Variants in ARHGAP6 observed in about 807,000 individuals in gnomAD.
ARHGAP6 encodes the protein Rho GTPase activating protein 6.
A neutral mutation model predicts 55.7 loss-of-function variants in ARHGAP6; 16 were observed. The observed-to-expected ratio is 0.29, with a 90% CI of 0.19 to 0.44. ARHGAP6 has a LOEUF of 0.44. Among genes scored for constraint, ARHGAP6 ranks in the 20% least tolerant of loss-of-function variants. ARHGAP6 has a pLI of 1.00. For synonymous variants in ARHGAP6, 382 were observed against 360.9 expected (o/e 1.06, Z -0.66); for missense variants, 698 against 808.9 (o/e 0.86, Z 1.66).
rs1207249557 is a variant in ARHGAP6, at chrX:11,354,323, CTCTCTATATATATA to C, written c.589-99630_589-99617del. Reference sequence around the variant, plus strand: ...TCTCTCTCTCTCTCTCTCTCTCTCTCTCTCTATATATATATATATATATATATATATATGTTCAT... The same window carrying C: ...TCTCTCTCTCTCTCTCTCTCTCTCTCTATATATATATATATATATGTTCAT... On this transcript the variant is annotated intron_variant, in intron 1 of 12. Coordinates refer to ENST00000337414, the MANE Select transcript of ARHGAP6 (RefSeq NM_013427.3). Among the ~76,000 whole-genome samples the C allele has an allele frequency of 2.5e-4, 14 of 57,107 alleles. No individual in the cohort carries two copies. The East Asian group carries it at 5.1e-3, about 21-fold the overall frequency. 49.6% of individuals were successfully genotyped at this position (57,107 alleles called of 115,157 possible).
chrX:11,234,960 C>G (rs2047180237), intron 2 of ARHGAP6, among the ~76,000 whole-genome samples: 1 of 112,356 alleles, frequency 8.9e-6, no homozygotes, highest in Admixed American at 9.4e-5. Context: ...AGGCTGCAGC[C>G]TGTATGATTC....
At chrX:11,390,706 T>C (rs149008771) in intron 1 of ARHGAP6, among the ~76,000 whole-genome samples, 20 of 112,306 alleles carry the variant, frequency 1.8e-4, no homozygotes, top group African/African-American at 6.5e-4. Context: ...AATACACACA[T>C]GACAAAATGC....
At chrX:11,463,914 A>C (rs1438326391) in intron 1 of ARHGAP6, among the ~76,000 whole-genome samples, 2 of 112,518 alleles carry the variant, frequency 1.8e-5, no homozygotes, top group African/African-American at 6.5e-5. Flanking sequence ...AGCCATCTTA[A>C]ACCATGAAAT....
chrX:11,278,158 A>C (rs1347099291), intron 1 of ARHGAP6, among the ~76,000 whole-genome samples: 3 of 111,405 alleles, frequency 2.7e-5, no homozygotes, highest in Admixed American at 9.6e-5. Context: ...GCAGAATAAT[A>C]TCTCTCACCC....
At chrX:11,241,323 A>G (rs1263713234) in intron 2 of ARHGAP6, among the ~76,000 whole-genome samples, 1 of 110,686 alleles carries the variant, frequency 9.0e-6, no homozygotes, top group Non-Finnish European at 1.9e-5. Flanking sequence ...TTGATTCCTT[A>G]TAATCCAACC....
chrX:11,271,248 C>T (rs1199588522), intron 1 of ARHGAP6, among the ~76,000 whole-genome samples: 1 of 111,806 alleles, frequency 8.9e-6, no homozygotes, highest in Non-Finnish European at 1.9e-5. Context: ...AGTACTGTCA[C>T]CTCAAACTGA....
intron 1 of ARHGAP6, among the ~76,000 whole-genome samples, chrX:11,663,773 A>T (rs755723030): frequency 6.2e-5 from 7 of 112,188 alleles, no homozygotes; most frequent in Non-Finnish European, 1.3e-4. Context: ...ACCCAAACAC[A>T]CACACACACT....
Position 11,175,859 on chromosome X carries a change from A to AT in ARHGAP6, c.1629+2240dup, listed in dbSNP as rs3838206. ...GAAACCATGACCTAGACCCCAGTAC[A>AT]TTTTTTTTTTCTTCTAATTCCTATT... On this transcript the variant is annotated intron_variant, in intron 8 of 12. Coordinates refer to ENST00000337414, the MANE Select transcript of ARHGAP6 (RefSeq NM_013427.3). 1.9e-3 allele frequency among the ~76,000 whole-genome samples: 200 copies of AT among 105,751 alleles called. 1 individual carries two copies. Among genetic ancestry groups the AT allele is most frequent in the Admixed American group, 2.9e-3 (29 of 9,851 alleles). The allele number at this position is 105,751 out of a possible 115,157, so 91.8% of individuals were successfully genotyped here.
chrX:11,171,770 G>A (rs957981325), intron 8 of ARHGAP6, among the ~76,000 whole-genome samples: 22 of 110,786 alleles, frequency 2.0e-4, no homozygotes, highest in African/African-American at 7.2e-4. Context: ...CTTTGCTGTG[G>A]GGGCTGTCCT....
intron 1 of ARHGAP6, among the ~76,000 whole-genome samples, chrX:11,316,610 T>C (rs2048362093): frequency 8.9e-6 from 1 of 112,207 alleles, no homozygotes; most frequent in Non-Finnish European, 1.9e-5. Flanking sequence ...TAAAATACAT[T>C]GCTGTTAATT....
chrX:11,617,228 T>C (rs1433548705), intron 1 of ARHGAP6, among the ~76,000 whole-genome samples: 1 of 112,403 alleles, frequency 8.9e-6, no homozygotes, highest in Non-Finnish European at 1.9e-5. Context: ...TTAAATAAAA[T>C]ATATAATTAA....
chrX:11,552,125 A>G (rs1202670647), intron 1 of ARHGAP6, among the ~76,000 whole-genome samples: 2 of 111,894 alleles, frequency 1.8e-5, no homozygotes, highest in African/African-American at 6.5e-5. Flanking sequence ...GCATTTCTCA[A>G]AAGAAAACAT....
At chrX:11,249,895 A>T (rs1438877758) in intron 2 of ARHGAP6, among the ~76,000 whole-genome samples, 2 of 111,361 alleles carry the variant, frequency 1.8e-5, no homozygotes, top group Admixed American at 9.5e-5. Flanking sequence ...AAAAATATAT[A>T]TCTACCTATG....
chrX:11,548,947 G>GTAGAA (rs1314905341), intron 1 of ARHGAP6, among the ~76,000 whole-genome samples: 1 of 112,257 alleles, frequency 8.9e-6, no homozygotes. Flanking sequence ...TACTATATAT[G>GTAGAA]TAGAAGAATA....
At chrX:11,283,846 C>T (rs1397109469) in intron 1 of ARHGAP6, among the ~76,000 whole-genome samples, 1 of 111,366 alleles carries the variant, frequency 9.0e-6, no homozygotes. Context: ...TGATTTTAGC[C>T]CAGTGAGACC....
At chrX:11,164,285 C>G (rs1199628668) in intron 9 of ARHGAP6, among the ~76,000 whole-genome samples, 1 of 112,450 alleles carries the variant, frequency 8.9e-6, no homozygotes, top group Non-Finnish European at 1.9e-5. Context: ...CTTGGGCAAA[C>G]AAACTTGGCT....
chrX:11,262,492 C>T (rs1159063360), intron 1 of ARHGAP6, among the ~76,000 whole-genome samples: 2 of 111,852 alleles, frequency 1.8e-5, no homozygotes, highest in Admixed American at 9.5e-5. Flanking sequence ...TGTTTTATTA[C>T]ATCCTTGGGG....
At chrX:11,254,038 A>G (rs2047459269) in intron 2 of ARHGAP6, among the ~76,000 whole-genome samples, 1 of 111,938 alleles carries the variant, frequency 8.9e-6, no homozygotes, top group African/African-American at 3.3e-5. Flanking sequence ...ACATCAGCCA[A>G]TCAGGTGTGC....
chrX:11,388,133 A>T (rs1268517752), intron 1 of ARHGAP6, among the ~76,000 whole-genome samples: 4 of 112,072 alleles, frequency 3.6e-5, no homozygotes, highest in Admixed American at 9.4e-5. Flanking sequence ...CAACACACTG[A>T]CTTCCACAAT....
Sources: allele counts gnomAD v4.1 joint callset (sites outside exome capture counted in the v4.1 genomes callset), GRCh38; gene constraint gnomAD v4.1.1; transcripts MANE v1.5; gene names NCBI Gene and HGNC (gene_info 2026-07-23, HGNC 2026-07-21).